The following KCNJ4 variants were observed in gnomAD, a reference collection of about 807,000 sequenced individuals.
KCNJ4 encodes inward rectifier potassium channel 4.
Under a neutral mutation model 25.6 loss-of-function variants are expected in KCNJ4, and 3 were observed. The observed-to-expected ratio is 0.12, with a 90% CI of 0.05 to 0.30. The LOEUF (loss-of-function observed/expected upper bound fraction) is 0.30, where lower values mean the gene tolerates loss of function less well. Ranked by LOEUF, KCNJ4 falls within the 10% of genes least tolerant of loss-of-function variation. The probability of loss-of-function intolerance (pLI) is 1.00; values close to 1 mark genes in which losing one functional copy is unlikely to be tolerated. For synonymous variants in KCNJ4, 257 were observed against 283.9 expected (o/e 0.91, Z 0.95); for missense variants, 286 against 666.8 (o/e 0.43, Z 6.29).
At chr22:38,435,684 C>T (rs1386291895) in intron 1 of KCNJ4, among the ~76,000 whole-genome samples, 3 of 150,098 alleles carry the variant, frequency 2.0e-5, no homozygotes, top group African/African-American at 7.4e-5. Flanking sequence ...CAGAGCGAGA[C>T]TCTGTCTCGG....
Position 38,449,787 on chromosome 22 carries a change from T to C in KCNJ4, c.-40+5193A>G, listed in dbSNP as rs953402632. On this transcript the variant is annotated intron_variant, in intron 1 of 1. Coordinates refer to ENST00000303592, the MANE Select transcript of KCNJ4 (RefSeq NM_152868.3). This position sits in a 1 kb window ranked among gnomAD's most constrained non-coding sequence, Gnocchi z 5.2. ...CAGTTTCCCCTTCTGTAAATGAGAA[T>C]CATCTATGTCCAAAGTCTTCCAGGT... Among the ~76,000 whole-genome samples, 2 of 152,220 alleles carry C rather than the reference T, an allele frequency of 1.3e-5. No homozygotes were observed. The highest frequency in any genetic ancestry group is 4.8e-5 in the African/African-American group (2 of 41,456).
intron 1 of KCNJ4, among the ~76,000 whole-genome samples, chr22:38,442,868 G>A (rs947889790): frequency 4.6e-5 from 7 of 152,156 alleles, no homozygotes; most frequent in Admixed American, 1.3e-4. Flanking sequence ...CCAGCCTCTC[G>A]AATAGCTGGG....
chr22:38,427,635 G>A lies in KCNJ4; in HGVS notation c.498C>T (p.Phe166=). Residue 166 remains phenylalanine (F), a synonymous_variant, in exon 2 of 2, where the codon TTC becomes TTT. Transcript: ENST00000303592. ...TCTTGGCCATGATGGTGCCAATCAT[G>A]AAGGAGTCGATGACGCAGCCCACGA... is the stretch of plus-strand genomic sequence containing the variant. The part of the protein sequence containing the change: ...QSIVGCVIDS[F]MIGTIMAKMA... The A allele has an allele frequency of 6.2e-7, 1 of 1,613,294 alleles. No homozygotes were observed. The highest frequency in any genetic ancestry group is 8.5e-7 in the Non-Finnish European group (1 of 1,179,982).
chr22:38,436,268 A>G (rs1569120841), intron 1 of KCNJ4, among the ~76,000 whole-genome samples: 1 of 152,156 alleles, frequency 6.6e-6, no homozygotes, highest in Non-Finnish European at 1.5e-5. Context: ...AAGGCTGAAC[A>G]TTGCTCCCTC....
intron 1 of KCNJ4, among the ~76,000 whole-genome samples, chr22:38,451,826 A>G (rs922691586): frequency 1.3e-5 from 2 of 151,886 alleles, no homozygotes; most frequent in Non-Finnish European, 2.9e-5. Context: ...TGATGGGTCT[A>G]CTTCCCCCTC....
Position 38,426,928 on chromosome 22 carries a change from C to G in KCNJ4, c.1205G>C (p.Gly402Ala), listed in dbSNP as rs200313955. 6.2e-7 allele frequency: 1 copy of G among 1,612,712 alleles called. No homozygotes were observed. The highest frequency in any genetic ancestry group is 8.5e-7 in the Non-Finnish European group (1 of 1,179,868). Residue 402 changes from glycine to alanine, a missense_variant, in exon 2 of 2, where the codon GGC becomes GCC. Gly to Ala is a moderately conservative substitution (Grantham distance 60). Transcript: ENST00000303592. ...AAAAAVAAGL[G>A]LEAGSKEEAG... ...CTCCTCCTTGGAACCCGCCTCCAGGCCCAGGCCTGCGGCCACCGCGGCCGC... is the reference window on the plus strand; with the variant it reads ...CTCCTCCTTGGAACCCGCCTCCAGGGCCAGGCCTGCGGCCACCGCGGCCGC...
chr22:38,452,443 G>A (rs769597113), intron 1 of KCNJ4, among the ~76,000 whole-genome samples: 3 of 152,190 alleles, frequency 2.0e-5, no homozygotes, highest in Admixed American at 6.5e-5. Context: ...AGAAGCCCCC[G>A]AGCATCTAGG....
chr22:38,450,085 G>A (rs1198658850), intron 1 of KCNJ4, among the ~76,000 whole-genome samples: 1 of 152,260 alleles, frequency 6.6e-6, no homozygotes, highest in Non-Finnish European at 1.5e-5. Flanking sequence ...TGAATTAAAA[G>A]TTTGAGCAGC....
intron 1 of KCNJ4, among the ~76,000 whole-genome samples, chr22:38,431,039 C>T (rs1486483886): frequency 6.6e-6 from 1 of 152,250 alleles, no homozygotes; most frequent in Admixed American, 6.5e-5. Flanking sequence ...ACTGGACCAC[C>T]ATCCACAGGT....
At chr22:38,440,675 A>G (rs1269564249) in intron 1 of KCNJ4, among the ~76,000 whole-genome samples, 1 of 152,216 alleles carries the variant, frequency 6.6e-6, no homozygotes, top group African/African-American at 2.4e-5. Context: ...GATGAGGTAT[A>G]TTCGGCTGGG....
chr22:38,452,558 AGCG>A (rs2089416297), intron 1 of KCNJ4, among the ~76,000 whole-genome samples: 3 of 151,990 alleles, frequency 2.0e-5, no homozygotes, highest in African/African-American at 7.2e-5. Flanking sequence ...GTGCAGGGGG[AGCG>A]GCGGCGGTGG....
intron 1 of KCNJ4, among the ~76,000 whole-genome samples, chr22:38,429,311 A>T (rs960271523): frequency 6.6e-6 from 1 of 152,190 alleles, no homozygotes; most frequent in East Asian, 1.9e-4. Flanking sequence ...TCCTCTGTAG[A>T]CATCGCTATT....
At position 38,443,883 on chromosome 22, in the gene KCNJ4, G is replaced by A. The variant is rs773601803; in HGVS notation, c.-40+11097C>T. Among the ~76,000 whole-genome samples the A allele has an allele frequency of 1.3e-4, 19 of 151,814 alleles. No homozygotes were observed. The highest frequency in any genetic ancestry group is 1.8e-4 in the Non-Finnish European group (12 of 67,956). On this transcript the variant is annotated intron_variant, in intron 1 of 1. Coordinates refer to ENST00000303592, the MANE Select transcript of KCNJ4 (RefSeq NM_152868.3). The surrounding 1 kb of genome is among the most constrained non-coding windows in gnomAD (Gnocchi z 4.1). ...CCAGGGCACTCGGGATGAACGCCCC[G>A]CCTCAGAGAGGTCCTGCCCTCTCTG...
chr22:38,429,058 T>C (rs1429843496), intron 1 of KCNJ4, among the ~76,000 whole-genome samples: 2 of 135,170 alleles, frequency 1.5e-5, no homozygotes, highest in Admixed American at 8.4e-5. Context: ...AACTCCAACC[T>C]GGGTCACAGA....
Position 38,427,893 on chromosome 22 carries a change from G to A in KCNJ4, c.240C>T (p.Ile80=), listed in dbSNP as rs760004496. ...WLFFGLLFWC[I]AFFHGDLEAS... ...CCTCCAGGTCACCGTGGAAGAAGGC[G>A]ATACACCAGAAGAGGAGGCCGAAAA... is the stretch of plus-strand genomic sequence containing the variant. The change falls in exon 2 of 2, where the codon ATC becomes ATT. Residue 80 remains isoleucine (I), a synonymous_variant. Transcript: ENST00000303592. 1.7e-5 allele frequency: 28 copies of A among 1,612,214 alleles called. No homozygotes were observed. The highest frequency in any genetic ancestry group is 2.0e-5 in the Non-Finnish European group (23 of 1,178,938).
At chr22:38,445,838 C>T (rs922616327) in intron 1 of KCNJ4, among the ~76,000 whole-genome samples, 6 of 152,250 alleles carry the variant, frequency 3.9e-5, no homozygotes, top group South Asian at 4.1e-4. Flanking sequence ...GGGTTAGGAG[C>T]GGTGAAATGG....
intron 1 of KCNJ4, 43 bp from the exon 2 acceptor site, chr22:38,428,214 G>A: frequency 6.7e-7 from 1 of 1,489,264 alleles, no homozygotes; most frequent in Non-Finnish European, 9.0e-7. Flanking sequence ...GGGGAGCGAG[G>A]GGCTCCCTCG....
At chr22:38,435,353 C>G (rs1043276783) in intron 1 of KCNJ4, among the ~76,000 whole-genome samples, 20 of 152,266 alleles carry the variant, frequency 1.3e-4, no homozygotes, top group African/African-American at 3.9e-4. Flanking sequence ...CATAGCTCAG[C>G]GCACCCAGGA....
At chr22:38,440,520 C>T (rs571421379) in intron 1 of KCNJ4, among the ~76,000 whole-genome samples, 16 of 152,270 alleles carry the variant, frequency 1.1e-4, no homozygotes, top group Non-Finnish European at 1.5e-4. Flanking sequence ...CCAGCCTGGA[C>T]AACAGAATGA....
Sources: allele counts gnomAD v4.1 joint callset (sites outside exome capture counted in the v4.1 genomes callset), GRCh38; gene constraint gnomAD v4.1.1; non-coding constraint Gnocchi (gnomAD v3.1); transcripts MANE v1.5; gene names NCBI Gene and HGNC (gene_info 2026-07-23, HGNC 2026-07-21).